The following GPHN variants were observed in gnomAD, a reference collection of about 807,000 sequenced individuals.
GPHN encodes the protein gephyrin.
A neutral mutation model predicts 95.5 loss-of-function variants in GPHN; 17 were observed. The ratio of observed to expected loss-of-function variants is 0.18; its 90% CI spans 0.12 to 0.27. The LOEUF (loss-of-function observed/expected upper bound fraction) is 0.27. Ranked by LOEUF, GPHN falls within the 10% of genes least tolerant of loss-of-function variation. The probability of loss-of-function intolerance (pLI) is 1.00; values close to 1 mark genes in which losing one functional copy is unlikely to be tolerated. For synonymous variants in GPHN, 320 were observed against 322.5 expected (o/e 0.99, Z 0.08); for missense variants, 660 against 978.1 (o/e 0.67, Z 4.34).
the GPHN span, among the ~76,000 whole-genome samples, chr14:67,372,850 A>C: frequency 3.3e-5 from 5 of 151,976 alleles, no homozygotes; most frequent in African/African-American, 9.7e-5. Flanking sequence ...AAAAACAAAC[A>C]AAAAAACCCT....
At chr14:67,316,907 A>G in the GPHN span, 1 of 1,607,406 alleles carries the variant, frequency 6.2e-7, no homozygotes. Flanking sequence ...AAATCAGGTT[A>G]GACACTTGTA....
chr14:66,764,441 T>G (rs952285600), intron 2 of GPHN, among the ~76,000 whole-genome samples: 1 of 146,498 alleles, frequency 6.8e-6, no homozygotes, highest in African/African-American at 2.5e-5. Flanking sequence ...ATATGGTAGG[T>G]TTTTTTTTTT....
At position 66,645,526 on chromosome 14, in the gene GPHN, AC is replaced by A. The variant is rs367593344; in HGVS notation, c.65-35580del. ...ACAAGGCGAAATCCCTCCTCAGTAT[AC>A]TAAAAATACAAAAAGTTAGCCAGCC... On this transcript the variant is annotated intron_variant, in intron 1 of 22. Transcript: ENST00000478722. Among the ~76,000 whole-genome samples the A allele has an allele frequency of 5.2e-4, 79 of 151,956 alleles. 3 individuals are homozygous for A. Among genetic ancestry groups the A allele is most frequent in the African/African-American group, 1.9e-3 (78 of 41,460 alleles).
At chr14:67,295,104 A>AGTGTGTGTGTGTGTGTGTGTGTGTGT in the GPHN span, 2 of 138,012 alleles carry the variant, frequency 1.4e-5, no homozygotes, top group African/African-American at 5.8e-5. Flanking sequence ...GAGATATTGA[A>AGTGTGTGTGTGTGTGTGTGTGTGTGT]GTGTGTGTGT....
chr14:67,336,677 T>G, the GPHN span: 7 of 455,210 alleles, frequency 1.5e-5, no homozygotes, highest in Non-Finnish European at 2.6e-5. Flanking sequence ...GCTCTTTGAC[T>G]TGTCAAAGTC....
At chr14:66,748,447 A>ACCC (rs1206411480) in intron 2 of GPHN, among the ~76,000 whole-genome samples, 4 of 151,948 alleles carry the variant, frequency 2.6e-5, no homozygotes, top group Non-Finnish European at 5.9e-5. Flanking sequence ...CTGCACCCTT[A>ACCC]CATGCATAGC....
chr14:67,645,551 G>A, the GPHN span: 1 of 1,443,234 alleles, frequency 6.9e-7, no homozygotes, highest in East Asian at 2.3e-5. Flanking sequence ...TTTGCACTGT[G>A]GAGAGAGTAT....
the GPHN span, among the ~76,000 whole-genome samples, chr14:67,399,432 A>G: frequency 3.6e-4 from 48 of 134,142 alleles, no homozygotes; most frequent in African/African-American, 8.1e-4. Flanking sequence ...AGAGAAGGGT[A>G]GTTTAGGTGG....
chr14:66,794,248 T>C (rs1463777741), intron 3 of GPHN, among the ~76,000 whole-genome samples: 1 of 152,160 alleles, frequency 6.6e-6, no homozygotes, highest in African/African-American at 2.4e-5. Flanking sequence ...TTGTGATATT[T>C]AGTGAGTTCT....
At chr14:66,852,263 CTTGT>C (rs898650374) in intron 4 of GPHN, among the ~76,000 whole-genome samples, 11 of 152,130 alleles carry the variant, frequency 7.2e-5, no homozygotes, top group Non-Finnish European at 1.3e-4. Context: ...GTACTGGCCA[CTTGT>C]TTGTTTTCAT....
the GPHN span, chr14:67,204,630 A>T: frequency 6.2e-7 from 1 of 1,613,732 alleles, no homozygotes; most frequent in South Asian, 1.1e-5. Flanking sequence ...CCTACTACTT[A>T]CAGCTCTGCA....
the GPHN span, among the ~76,000 whole-genome samples, chr14:67,202,744 A>C: frequency 6.6e-6 from 1 of 152,200 alleles, no homozygotes; most frequent in East Asian, 1.9e-4. Flanking sequence ...CCAAGACCTA[A>C]CTGTTACCAG....
intron 2 of GPHN, among the ~76,000 whole-genome samples, chr14:66,713,851 C>T (rs2069907274): frequency 6.6e-6 from 1 of 152,090 alleles, no homozygotes; most frequent in Non-Finnish European, 1.5e-5. Context: ...TCACTGCAAC[C>T]TCCACCTCCC....
the GPHN span, among the ~76,000 whole-genome samples, chr14:67,713,662 TTAATTTG>T: frequency 6.6e-6 from 1 of 152,154 alleles, no homozygotes; most frequent in Non-Finnish European, 1.5e-5. Flanking sequence ...CAGGTCTCAG[TTAATTTG>T]TAAAGTTTAT....
the GPHN span, chr14:67,312,138 C>T: frequency 6.5e-6 from 1 of 153,452 alleles, no homozygotes; most frequent in Non-Finnish European, 1.5e-5. Context: ...CACCTTGTAC[C>T]TCAGCTTGTA....
At chr14:66,815,967 C>T (rs1269320954) in intron 3 of GPHN, among the ~76,000 whole-genome samples, 1 of 152,108 alleles carries the variant, frequency 6.6e-6, no homozygotes, top group East Asian at 1.9e-4. Flanking sequence ...GGAAACAAAT[C>T]TACCAAGCAA....
At chr14:66,905,558 CT>C (rs1336793641) in intron 5 of GPHN, among the ~76,000 whole-genome samples, 1 of 151,952 alleles carries the variant, frequency 6.6e-6, no homozygotes, top group African/African-American at 2.4e-5. Flanking sequence ...GCTTGTTTCG[CT>C]TTTTTGTGTT....
At chr14:67,317,044 T>G in the GPHN span, 2 of 630,046 alleles carry the variant, frequency 3.2e-6, no homozygotes, top group African/African-American at 3.7e-5. Context: ...CTCAGAACTG[T>G]AAAGAAAGGA....
At chr14:67,644,657 G>A in the GPHN span, among the ~76,000 whole-genome samples, 2 of 152,160 alleles carry the variant, frequency 1.3e-5, no homozygotes, top group Admixed American at 1.3e-4. Context: ...GCTAATGTAA[G>A]CAGAGCCCAA....
Sources: gnomAD v4.1 joint callset for allele counts (sites outside exome capture counted in the v4.1 genomes callset) on GRCh38, gnomAD v4.1.1 for gene constraint, MANE v1.5 for transcripts, NCBI Gene and HGNC (gene_info 2026-07-23, HGNC 2026-07-21) for gene names.